The following PCNX2 variants were observed in gnomAD, a reference collection of about 807,000 sequenced individuals.
PCNX2 encodes the protein pecanex-like protein 2.
In PCNX2, 168 loss-of-function variants were observed where a neutral mutation model predicts 223.8. That is an observed-to-expected ratio of 0.75 (90% CI 0.66 to 0.85). The LOEUF is 0.85. PCNX2 is among the 40% of genes least tolerant of loss of function. PCNX2 has a pLI of 0.00. For missense variants in PCNX2, 2,507 were observed against 2,675.5 expected (o/e 0.94, Z 1.39); for synonymous variants, 1,006 against 1,052.6 (o/e 0.96, Z 0.86).
intron 15 of PCNX2, chr1:233,181,049 G>C (rs975769678): frequency 6.6e-6 from 1 of 152,152 alleles, no homozygotes; most frequent in African/African-American, 2.4e-5. Flanking sequence ...TTTCTTTGGA[G>C]TTTTCATCAG....
chr1:233,191,073 A>T (rs1680395800), intron 15 of PCNX2, among the ~76,000 whole-genome samples: 1 of 152,216 alleles, frequency 6.6e-6, no homozygotes, highest in Non-Finnish European at 1.5e-5. Context: ...TTTTTTGAAT[A>T]CCAGATTCTT....
chr1:233,035,103 C>T (rs1177840071), intron 25 of PCNX2, among the ~76,000 whole-genome samples: 1 of 152,170 alleles, frequency 6.6e-6, no homozygotes, highest in African/African-American at 2.4e-5. Context: ...GATAATGGGA[C>T]TTCAAAGGGA....
chr1:233,249,766 A>G (rs2102984263), intron 8 of PCNX2, among the ~76,000 whole-genome samples: 1 of 152,354 alleles, frequency 6.6e-6, no homozygotes, highest in South Asian at 2.1e-4. Context: ...ACCTACCTGA[A>G]TGGCACTAGC....
the PCNX2 span, among the ~76,000 whole-genome samples, chr1:233,321,415 A>G: frequency 3.3e-5 from 5 of 152,128 alleles, no homozygotes; most frequent in African/African-American, 9.7e-5. Context: ...CTGCTGCCTC[A>G]GCCTCCCAAG....
intron 21 of PCNX2, among the ~76,000 whole-genome samples, chr1:233,105,653 T>C (rs1200090648): frequency 6.6e-6 from 1 of 152,162 alleles, no homozygotes; most frequent in Non-Finnish European, 1.5e-5. Context: ...GCAGGGATGA[T>C]AGTATCCAGC....
intron 23 of PCNX2, chr1:233,065,788 A>T (rs1672578728): frequency 6.6e-6 from 1 of 152,206 alleles, no homozygotes; most frequent in South Asian, 2.1e-4. Context: ...ACAGCCAAAT[A>T]CCACAGATAA....
At position 233,102,705 on chromosome 1, in the gene PCNX2, T is replaced by G. The variant is rs1244398789; in HGVS notation, c.3838-6842A>C. Among the ~76,000 whole-genome samples, 3 of 152,146 alleles carry G rather than the reference T, an allele frequency of 2.0e-5. No individual in the cohort carries two copies. The East Asian group carries it at 5.8e-4, about 29-fold the overall frequency. On this transcript the variant is annotated intron_variant, in intron 21 of 33. Coordinates refer to ENST00000258229, the MANE Select transcript of PCNX2 (RefSeq NM_014801.4). ...TCAGAACTTTTGCCCATTTCTAAATTGTTATTAATTTTTTTTGCTATTTAG... is the reference window on the plus strand; with the variant it reads ...TCAGAACTTTTGCCCATTTCTAAATGGTTATTAATTTTTTTTGCTATTTAG...
intron 23 of PCNX2, among the ~76,000 whole-genome samples, chr1:233,088,014 C>T (rs1175732495): frequency 6.6e-6 from 1 of 152,184 alleles, no homozygotes; most frequent in African/African-American, 2.4e-5. Context: ...AAACATAAAT[C>T]TTGCTCTAGA....
At chr1:233,134,271 A>C (rs534364987) in intron 21 of PCNX2, among the ~76,000 whole-genome samples, 2 of 152,192 alleles carry the variant, frequency 1.3e-5, no homozygotes, top group Non-Finnish European at 1.5e-5. Context: ...TTCTGCTTAC[A>C]AACGTAGGTT....
chr1:233,227,110 G>A (rs1226093560), intron 10 of PCNX2, 116 bp downstream of exon 10: 9 of 1,228,198 alleles, frequency 7.3e-6, no homozygotes, highest in Non-Finnish European at 9.7e-6. Context: ...GTCAGCAAAG[G>A]AAGCGTACAA....
intron 9 of PCNX2, among the ~76,000 whole-genome samples, chr1:233,235,545 A>G (rs953049932): frequency 1.3e-5 from 2 of 152,018 alleles, no homozygotes; most frequent in Non-Finnish European, 2.9e-5. Flanking sequence ...GTAACTCAAC[A>G]TTTTCTTTGC....
chr1:233,233,526 C>A (rs957743779), intron 9 of PCNX2, among the ~76,000 whole-genome samples: 1 of 151,380 alleles, frequency 6.6e-6, no homozygotes, highest in Non-Finnish European at 1.5e-5. Flanking sequence ...GCTCCCCTTT[C>A]AGGGACACTT....
chr1:233,095,969 A>AGTTTC, intron 21 of PCNX2, 106 bp from the exon 22 acceptor site: 1 of 731,218 alleles, frequency 1.4e-6, no homozygotes, highest in Non-Finnish European at 2.3e-6. Flanking sequence ...GGGGCAGTGA[A>AGTTTC]ACTACTCTCT....
At chr1:233,195,711 G>A (rs1287651413) in intron 15 of PCNX2, among the ~76,000 whole-genome samples, 1 of 152,054 alleles carries the variant, frequency 6.6e-6, no homozygotes, top group Non-Finnish European at 1.5e-5. Context: ...AACATATAAT[G>A]CACAAAAAGG....
rs1671898611 is a variant in PCNX2 at position 233,048,642 on chromosome 1, A to G, written c.4351+5626T>C. On this transcript the variant is annotated intron_variant, in intron 25 of 33. Coordinates refer to ENST00000258229, the MANE Select transcript of PCNX2 (RefSeq NM_014801.4). The stretch of plus-strand genomic sequence containing the variant: ...AACAATCTAACCCCAAAGCTAGCAG[A>G]AGAAAGAACTGAAATCAGAGCAGAA... Among the ~76,000 whole-genome samples the G allele has an allele frequency of 3.3e-5, 5 of 152,210 alleles. No homozygotes were observed. In the South Asian group the frequency reaches 1.0e-3, roughly 31 times the overall value.
intron 1 of PCNX2, chr1:233,294,029 T>G: frequency 1.0e-6 from 1 of 973,840 alleles, no homozygotes; most frequent in Non-Finnish European, 1.2e-6. Flanking sequence ...TTTCTGTATT[T>G]AATGCTTTTT....
rs149459189 is a variant in PCNX2, at chr1:233,277,323, G to A, written c.154-14160C>T. 9.9e-5 allele frequency among the ~76,000 whole-genome samples: 15 copies of A among 152,256 alleles called. No individual in the cohort carries two copies. The South Asian group carries it at 1.9e-3, about 19-fold the overall frequency. On this transcript the variant is annotated intron_variant, in intron 1 of 33. Coordinates refer to ENST00000258229, the MANE Select transcript of PCNX2 (RefSeq NM_014801.4). ...GCTTTCAAGATAGTGTCTCTCAAGC[G>A]CCATTTTAATCACATCACTGCCCTA... is the stretch of plus-strand genomic sequence containing the variant.
chr1:233,309,799 G>A, the PCNX2 span, among the ~76,000 whole-genome samples: 2 of 151,646 alleles, frequency 1.3e-5, no homozygotes, highest in Admixed American at 1.3e-4. Context: ...AATTGCTTGG[G>A]TCTGGGAGGC....
intron 23 of PCNX2, among the ~76,000 whole-genome samples, chr1:233,061,131 G>A (rs542017141): frequency 1.1e-4 from 17 of 152,290 alleles, no homozygotes; most frequent in South Asian, 4.2e-4. Flanking sequence ...ACTGCTGGCC[G>A]GAGTGAGAAG....
Sources: allele counts gnomAD v4.1 joint callset (sites outside exome capture counted in the v4.1 genomes callset), GRCh38; gene constraint gnomAD v4.1.1; transcripts MANE v1.5; gene names NCBI Gene and HGNC (gene_info 2026-07-23, HGNC 2026-07-21).